The following PTK2 variants were observed in gnomAD, a reference collection of about 807,000 sequenced individuals.
PTK2 encodes focal adhesion kinase 1.
PTK2 carries 45 observed loss-of-function variants against 150.1 expected under a neutral mutation model. That is an observed-to-expected ratio of 0.30 (90% CI 0.24 to 0.38). The LOEUF is 0.38. PTK2 is among the 10% of genes least tolerant of loss of function. The pLI, the probability that PTK2 is intolerant of heterozygous loss-of-function variation, is 1.00. For synonymous variants in PTK2, 432 were observed against 449.2 expected (o/e 0.96, Z 0.48); for missense variants, 919 against 1,307.3 (o/e 0.70, Z 4.58).
intron 26 of PTK2, among the ~76,000 whole-genome samples, chr8:140,694,284 G>A (rs914919362): frequency 2.6e-5 from 4 of 152,038 alleles, no homozygotes; most frequent in South Asian, 2.1e-4. Context: ...CTCGTGATCC[G>A]TCTGCCTCGG....
chr8:140,856,715 T>C (rs1341700659), intron 5 of PTK2, among the ~76,000 whole-genome samples: 1 of 152,174 alleles, frequency 6.6e-6, no homozygotes, highest in Non-Finnish European at 1.5e-5. Flanking sequence ...ATTATTCTGG[T>C]GTATGTATCT....
intron 22 of PTK2, among the ~76,000 whole-genome samples, chr8:140,731,451 A>G (rs1450586455): frequency 6.6e-6 from 1 of 152,192 alleles, no homozygotes; most frequent in African/African-American, 2.4e-5. Context: ...CAATGAATTC[A>G]TACCTATGAA....
chr8:140,864,669 C>T lies in PTK2; in HGVS notation c.363-270G>A, dbSNP rs75160094. 8.9e-4 allele frequency among the ~76,000 whole-genome samples: 135 copies of T among 152,290 alleles called. 2 individuals carry two copies. The East Asian group carries it at 0.022, about 25-fold the overall frequency. On this transcript the variant is annotated intron_variant, in intron 4 of 31. Transcript: ENST00000522684. ...TCCTTCCAACCCATGGGTCATTCTC[C>T]ACCACTGCTCAGGGGAAGAACTGCC...
chr8:140,995,916 G>C (rs2100197543), intron 1 of PTK2, among the ~76,000 whole-genome samples: 1 of 152,104 alleles, frequency 6.6e-6, no homozygotes, highest in African/African-American at 2.4e-5. Flanking sequence ...ACACGCAAAT[G>C]ATAAGAAAGT....
intron 2 of PTK2, among the ~76,000 whole-genome samples, chr8:140,923,244 C>T (rs553319992): frequency 1.3e-5 from 2 of 152,240 alleles, no homozygotes; most frequent in Admixed American, 1.3e-4. Flanking sequence ...GAAACAGCAG[C>T]TATGGAAATG....
chr8:140,855,272 C>T (rs1317806639), intron 5 of PTK2, among the ~76,000 whole-genome samples: 1 of 152,110 alleles, frequency 6.6e-6, no homozygotes, highest in South Asian at 2.1e-4. Context: ...TCACAACAAT[C>T]CCCTCTGCCC....
chr8:140,743,418 T>G, intron 19 of PTK2, 88 bp from the exon 23 acceptor site: 1 of 924,976 alleles, frequency 1.1e-6, no homozygotes, highest in Non-Finnish European at 1.7e-6. Context: ...AATAGGCACT[T>G]TGAAAGACAG....
intron 4 of PTK2, among the ~76,000 whole-genome samples, chr8:140,875,511 G>A (rs1006317914): frequency 5.9e-5 from 9 of 152,166 alleles, no homozygotes; most frequent in African/African-American, 2.2e-4. Context: ...TAAGGACTGT[G>A]AGGTCATCAG....
chr8:140,917,288 G>C (rs540644585), intron 2 of PTK2, among the ~76,000 whole-genome samples: 1 of 152,130 alleles, frequency 6.6e-6, no homozygotes, highest in South Asian at 2.1e-4. Context: ...CTACTTGGGA[G>C]GCTGAGGCAG....
chr8:140,898,214 G>A (rs1013712612), intron 2 of PTK2, among the ~76,000 whole-genome samples: 20 of 152,074 alleles, frequency 1.3e-4, no homozygotes, highest in Non-Finnish European at 1.6e-4. Context: ...AGAATCAATC[G>A]ACATAAAATT....
intron 22 of PTK2, among the ~76,000 whole-genome samples, chr8:140,730,746 T>A (rs535446607): frequency 6.6e-6 from 1 of 152,310 alleles, no homozygotes; most frequent in African/African-American, 2.4e-5. Flanking sequence ...AATTTTAACA[T>A]TAACCTAAAA....
intron 22 of PTK2, among the ~76,000 whole-genome samples, chr8:140,734,064 T>G (rs1310410131): frequency 6.6e-6 from 1 of 152,348 alleles, no homozygotes; most frequent in East Asian, 1.9e-4. Context: ...TCTTAATTCT[T>G]CTTTGAAATA....
chr8:140,846,914 ATAG>A (rs1275800194), intron 5 of PTK2, among the ~76,000 whole-genome samples: 15 of 152,176 alleles, frequency 9.9e-5, no homozygotes, highest in African/African-American at 2.9e-4. Context: ...TACCTTTCAT[ATAG>A]TTTACATTGT....
At chr8:140,872,589 A>G (rs1230689871) in intron 4 of PTK2, among the ~76,000 whole-genome samples, 1 of 152,182 alleles carries the variant, frequency 6.6e-6, no homozygotes, top group Non-Finnish European at 1.5e-5. Context: ...TGCACACTTC[A>G]GGAGTGATTT....
In PTK2 at chr8:140,974,161, C is replaced by A. The variant is rs550218375; in HGVS notation, c.-122+26964G>T. On this transcript the variant is annotated intron_variant, in intron 1 of 31. Transcript: ENST00000522684. ...GACTCCAGAACACAATACGAATCTG[C>A]CTGATGCTCATATCTCAACAACTGC... Among the ~76,000 whole-genome samples, 26 of 152,262 alleles carry A rather than the reference C, an allele frequency of 1.7e-4. 1 individual carries two copies. In the South Asian group the frequency reaches 5.4e-3, roughly 32 times the overall value.
intron 4 of PTK2, among the ~76,000 whole-genome samples, chr8:140,865,131 G>A (rs62521882): frequency 0.24 from 35,780 of 152,164 alleles, 4,793 homozygotes; most frequent in Admixed American, 0.36. Context: ...GATAGTGCAT[G>A]GTGATTTTAA....
chr8:140,865,380 C>A (rs2100138717), intron 4 of PTK2, among the ~76,000 whole-genome samples: 1 of 152,096 alleles, frequency 6.6e-6, no homozygotes, highest in South Asian at 2.1e-4. Flanking sequence ...AAGTTTTTGT[C>A]CTTGTTTTCC....
chr8:140,815,064 G>A lies in PTK2; in HGVS notation c.867+3213C>T, dbSNP rs371049721. Reference sequence around the variant, plus strand: ...GCTGGGATTACAGGTGTGAGCCACCGCGCCCGGCCAAATTGTTCTTTTATA... The same window carrying A: ...GCTGGGATTACAGGTGTGAGCCACCACGCCCGGCCAAATTGTTCTTTTATA... On this transcript the variant is annotated intron_variant, in intron 10 of 31. Coordinates refer to ENST00000522684, the Ensembl canonical transcript of PTK2. 8.5e-5 allele frequency among the ~76,000 whole-genome samples: 13 copies of A among 152,124 alleles called. No homozygotes were observed. The East Asian group carries it at 1.4e-3, about 16-fold the overall frequency.
chr8:140,818,344 A>C, exon 10 of PTK2: 1 of 1,613,866 alleles, frequency 6.2e-7, no homozygotes, highest in Non-Finnish European at 8.5e-7. Context: ...CACTGAAATA[A>C]TCCAGCTTGA....
Sources: allele counts gnomAD v4.1 joint callset (sites outside exome capture counted in the v4.1 genomes callset), GRCh38; gene constraint gnomAD v4.1.1; transcripts MANE v1.5; gene names NCBI Gene and HGNC (gene_info 2026-07-23, HGNC 2026-07-21).